Variants in SEC14L1 observed in about 807,000 individuals in gnomAD.
SEC14L1 encodes SEC14 like lipid binding 1, also known as SEC14-like protein 1.
A neutral mutation model predicts 85.3 loss-of-function variants in SEC14L1; 48 were observed. The ratio of observed to expected loss-of-function variants is 0.56; its 90% CI spans 0.45 to 0.72. The LOEUF is 0.72. Among genes scored for constraint, SEC14L1 ranks in the 30% least tolerant of loss-of-function variants. The pLI, the probability that SEC14L1 is intolerant of heterozygous loss-of-function variation, is 0.00. For missense variants in SEC14L1, 682 were observed against 921.4 expected (o/e 0.74, Z 3.36); for synonymous variants, 391 against 355.5 (o/e 1.10, Z -1.12).
At position 77,200,540 on chromosome 17, in the gene SEC14L1, C is replaced by G; in HGVS notation, c.876C>G (p.Asp292Glu). The G allele has an allele frequency of 1.2e-6, 2 of 1,614,068 alleles. No homozygotes were observed. Among genetic ancestry groups the G allele is most frequent in the Non-Finnish European group, 1.7e-6 (2 of 1,179,984 alleles). The stretch of plus-strand genomic sequence containing the variant: ...TCCGTGCACGGGATTTTAATATTGA[C>G]AAAGCCAGAGAGATCATGTGTCAGT... ...RFLRARDFNIDKAREIMCQSL... is the reference protein window; with the variant it reads ...RFLRARDFNIEKAREIMCQSL... The change falls in exon 9 of 17, where the codon GAC becomes GAG. Residue 292 changes from aspartate to glutamate, a missense_variant. This residue lies in a region of SEC14L1 where 420 missense variants were observed against 619.5 expected (regional missense o/e 0.68). Transcript: ENST00000436233.
At chr17:77,109,587 C>A (rs1972003389) in intron 3 of SEC14L1, among the ~76,000 whole-genome samples, 1 of 152,182 alleles carries the variant, frequency 6.6e-6, no homozygotes, top group African/African-American at 2.4e-5. Flanking sequence ...TTTGTCTGGT[C>A]TTTTGGGGCC....
At chr17:77,166,824 G>A (rs1421653154) in intron 3 of SEC14L1, among the ~76,000 whole-genome samples, 1 of 152,068 alleles carries the variant, frequency 6.6e-6, no homozygotes, top group Admixed American at 6.5e-5. Flanking sequence ...GGGTGACAGA[G>A]CAAGACTCAG....
At chr17:77,098,450 C>T (rs985087478) in intron 3 of SEC14L1, among the ~76,000 whole-genome samples, 5 of 151,598 alleles carry the variant, frequency 3.3e-5, no homozygotes, top group Non-Finnish European at 7.4e-5. Context: ...AGTAAGCCAT[C>T]GTCGTGCCAC....
intron 3 of SEC14L1, among the ~76,000 whole-genome samples, chr17:77,189,404 T>C (rs1419963170): frequency 1.3e-5 from 2 of 152,148 alleles, no homozygotes; most frequent in Non-Finnish European, 2.9e-5. Flanking sequence ...CAACTTACTT[T>C]TGGCTTGGTG....
intron 14 of SEC14L1, chr17:77,211,718 A>G: frequency 1.8e-6 from 1 of 569,794 alleles, no homozygotes; most frequent in Admixed American, 3.1e-5. Flanking sequence ...TTGGACCTCT[A>G]GGTGCAGGTC....
At chr17:77,147,150 A>G (rs1268036912) in intron 3 of SEC14L1, among the ~76,000 whole-genome samples, 2 of 152,174 alleles carry the variant, frequency 1.3e-5, no homozygotes, top group Non-Finnish European at 2.9e-5. Flanking sequence ...GTCCTGGTTT[A>G]TGTGAGTCCT....
At chr17:77,111,270 T>C (rs1972039539) in intron 3 of SEC14L1, among the ~76,000 whole-genome samples, 1 of 151,808 alleles carries the variant, frequency 6.6e-6, no homozygotes, top group Non-Finnish European at 1.5e-5. Flanking sequence ...TTCCGGGCTA[T>C]ACGTGAATTT....
intron 3 of SEC14L1, among the ~76,000 whole-genome samples, chr17:77,179,923 C>T (rs557265621): frequency 1.3e-5 from 2 of 152,208 alleles, no homozygotes; most frequent in Admixed American, 6.5e-5. Flanking sequence ...GTGACCCGCC[C>T]GCCTCAGCCT....
At chr17:77,109,049 T>C (rs1971989989) in intron 3 of SEC14L1, among the ~76,000 whole-genome samples, 2 of 152,190 alleles carry the variant, frequency 1.3e-5, no homozygotes, top group Non-Finnish European at 2.9e-5. Flanking sequence ...CTCAAACTTC[T>C]GACCTCAGGT....
At chr17:77,146,441 A>G (rs1973311009) in intron 3 of SEC14L1, among the ~76,000 whole-genome samples, 2 of 152,082 alleles carry the variant, frequency 1.3e-5, no homozygotes, top group South Asian at 2.1e-4. Context: ...TTACTTCACT[A>G]TTTTCAAAAT....
intron 3 of SEC14L1, among the ~76,000 whole-genome samples, chr17:77,169,007 C>CTTTTTTTTTTTTTTT (rs71160208): frequency 1.3e-5 from 1 of 77,832 alleles, no homozygotes; most frequent in Non-Finnish European, 2.4e-5. Flanking sequence ...TGAGGAGCAT[C>CTTTTTTTTTTTTTTT]TTTTTTTTTT....
In SEC14L1 at chr17:77,112,860, C is replaced by T. The variant is rs555037759; in HGVS notation, c.-136+19513C>T. Among the ~76,000 whole-genome samples the T allele has an allele frequency of 1.7e-4, 24 of 142,982 alleles. No homozygotes were observed. The South Asian group carries it at 4.2e-3, about 25-fold the overall frequency. 93.8% of individuals were successfully genotyped at this position (142,982 alleles called of 152,430 possible). On this transcript the variant is annotated intron_variant, in intron 3 of 19. Coordinates refer to the SEC14L1 transcript ENST00000392476. ...CTGCATTCCAGCCTGGGCGACAGAG[C>T]GAGACTCAAAAAAAAAAAAGAGTAC...
In SEC14L1 at chr17:77,123,066, T is replaced by C. The variant is rs560944591; in HGVS notation, c.-135-19580T>C. On this transcript the variant is annotated intron_variant, in intron 3 of 19. Coordinates refer to the SEC14L1 transcript ENST00000392476. The stretch of plus-strand genomic sequence containing the variant: ...TGTTTTTTTGTTTTTGTTTTTTTTT[T>C]TTGAGATGGAGTCTCACTCTATTGC... 1.4e-4 allele frequency among the ~76,000 whole-genome samples: 21 copies of C among 152,048 alleles called. No individual in the cohort carries two copies. In the East Asian group the frequency reaches 4.0e-3, roughly 29 times the overall value.
At chr17:77,168,847 C>T (rs1191079075) in intron 3 of SEC14L1, among the ~76,000 whole-genome samples, 1 of 152,008 alleles carries the variant, frequency 6.6e-6, no homozygotes, top group Non-Finnish European at 1.5e-5. Context: ...GTAATTTATC[C>T]AGTCTACATT....
chr17:77,095,237 TAGGAGAGCTTTCCTCATTATCACCCCG>T (rs1463188037), intron 3 of SEC14L1, among the ~76,000 whole-genome samples: 2 of 152,198 alleles, frequency 1.3e-5, no homozygotes, highest in Non-Finnish European at 2.9e-5. Context: ...TGTTGATACT[TAGGAGAGCTTTCCTCATTATCACCCCG>T]AGGAGAGTGC....
chr17:77,150,163 C>T (rs1370187749), intron 3 of SEC14L1, among the ~76,000 whole-genome samples: 1 of 152,102 alleles, frequency 6.6e-6, no homozygotes, highest in East Asian at 1.9e-4. Context: ...GTTTTTTCCC[C>T]CTTTCCTCTC....
chr17:77,195,131 T>G (rs1359014857), intron 7 of SEC14L1: 1 of 562,732 alleles, frequency 1.8e-6, no homozygotes, highest in Non-Finnish European at 3.1e-6. Flanking sequence ...TATATCAAGT[T>G]ATTTTTATTC....
chr17:77,149,052 C>A (rs1336801123), intron 3 of SEC14L1, among the ~76,000 whole-genome samples: 1 of 152,218 alleles, frequency 6.6e-6, no homozygotes, highest in Non-Finnish European at 1.5e-5. Context: ...TGCCATTCCC[C>A]ATCTGTCTCT....
In SEC14L1 at chr17:77,214,011, G is replaced by A. The variant is rs1311095495; in HGVS notation, c.2136G>A (p.Met712Ile). 6.2e-7 allele frequency: 1 copy of A among 1,612,866 alleles called. No homozygotes were observed. The highest frequency in any genetic ancestry group is 1.3e-5 in the African/African-American group (1 of 74,974). Reference sequence around the variant, plus strand: ...CCAGCCAGTCCCACTCCAGCTCCATGATCTCCAGGTAGTGCCGCGCTGCCT... The same window carrying A: ...CCAGCCAGTCCCACTCCAGCTCCATAATCTCCAGGTAGTGCCGCGCTGCCT... ...TSSSQSHSSS[M>I]ISR Residue 712 changes from methionine (M) to isoleucine (I), a missense_variant, in exon 17 of 17, where the codon ATG (methionine) becomes ATA (isoleucine). Around this residue, in one of 3 missense-constraint regions of SEC14L1, gnomAD observed 420 missense variants for 619.5 expected, o/e 0.68. Transcript: ENST00000436233.
Sources: allele counts gnomAD v4.1 joint callset (sites outside exome capture counted in the v4.1 genomes callset), GRCh38; gene constraint gnomAD v4.1.1; regional missense constraint gnomAD v4.1.1; transcripts MANE v1.5; gene names NCBI Gene and HGNC (gene_info 2026-07-23, HGNC 2026-07-21).